NSUN2: variants seen among roughly 807,000 people sequenced by gnomAD.
NSUN2 encodes NOP2/Sun RNA methyltransferase 2, also known as RNA cytosine C(5)-methyltransferase NSUN2.
A neutral mutation model predicts 92.7 loss-of-function variants in NSUN2; 63 were observed. The ratio of observed to expected loss-of-function variants is 0.68; its 90% CI spans 0.56 to 0.84. The LOEUF is 0.84. NSUN2 is among the 40% of genes least tolerant of loss of function. The probability of loss-of-function intolerance (pLI) is 0.00; values close to 1 mark genes in which losing one functional copy is unlikely to be tolerated. For synonymous variants in NSUN2, 356 were observed against 348.3 expected (o/e 1.02, Z -0.25); for missense variants, 989 against 964.9 (o/e 1.02, Z -0.33).
At chr5:6,611,985 T>A (rs983275648) in intron 9 of NSUN2, among the ~76,000 whole-genome samples, 187 bp from the exon 10 acceptor site, 7 of 152,102 alleles carry the variant, frequency 4.6e-5, no homozygotes, top group Admixed American at 4.6e-4. Context: ...CCGATGGGGC[T>A]CAGCTGGAAT....
chr5:6,622,511 T>TA (rs1317328152), intron 5 of NSUN2, among the ~76,000 whole-genome samples: 2 of 152,080 alleles, frequency 1.3e-5, no homozygotes, highest in Non-Finnish European at 2.9e-5. Context: ...TATCTGCCCT[T>TA]AGAGGGTTGT....
intron 9 of NSUN2, among the ~76,000 whole-genome samples, chr5:6,616,371 G>A (rs1390973864): frequency 6.6e-6 from 1 of 152,210 alleles, no homozygotes; most frequent in Non-Finnish European, 1.5e-5. Flanking sequence ...TGAGCCTCAA[G>A]GACGCTGCAG....
At position 6,620,150 on chromosome 5, in the gene NSUN2, T is replaced by C; in HGVS notation, c.771A>G (p.Lys257=). The change falls in exon 7 of 19, where the codon AAA becomes AAG. Residue 257 remains lysine (K), a synonymous_variant. Coordinates refer to ENST00000264670, the MANE Select transcript of NSUN2 (RefSeq NM_017755.6). The stretch of plus-strand genomic sequence containing the variant: ...AAATTCGATCATAGAAGAGGATCTC[T>C]TTCCTGCCGTCCACATCTATCTGGA... ...PRLQIDVDGR[K]EILFYDRILC... 1.2e-6 allele frequency: 2 copies of C among 1,609,356 alleles called. No homozygotes were observed. Among genetic ancestry groups the C allele is most frequent in the Non-Finnish European group, 1.7e-6 (2 of 1,178,270 alleles).
rs1174342619 is a variant in NSUN2, at chr5:6,599,358, T to C, written c.*568A>G. ...TCCCCCTCAATAATTAGTATGACAA[T>C]TCACGATACAGCTCTTACTCTGGGA... On this transcript the variant is annotated 3_prime_UTR_variant, in exon 19 of 19. Transcript: ENST00000264670. 2.6e-5 allele frequency: 4 copies of C among 152,640 alleles called. No homozygotes were observed. Among genetic ancestry groups the C allele is most frequent in the African/African-American group, 9.7e-5 (4 of 41,446 alleles). 9.5% of individuals were successfully genotyped at this position (152,640 alleles called of 1,614,324 possible).
chr5:6,609,999 A>G, intron 11 of NSUN2, 77 bp from the exon 12 acceptor site: 1 of 954,634 alleles, frequency 1.0e-6, no homozygotes. Flanking sequence ...AATACCGCAA[A>G]GATGATACAA....
intron 11 of NSUN2, 123 bp from the exon 12 acceptor site, chr5:6,610,045 T>C: frequency 1.6e-6 from 1 of 620,332 alleles, no homozygotes; most frequent in Non-Finnish European, 2.6e-6. Context: ...ACTCATAGAA[T>C]GGCCAATATG....
In NSUN2 at chr5:6,599,895, G is replaced by C; in HGVS notation, c.*31C>G. The C allele has an allele frequency of 6.3e-7, 1 of 1,597,244 alleles. No individual in the cohort carries two copies. The highest frequency in any genetic ancestry group is 8.5e-7 in the Non-Finnish European group (1 of 1,171,094). On this transcript the variant is annotated 3_prime_UTR_variant, in exon 19 of 19. Coordinates refer to ENST00000264670, the MANE Select transcript of NSUN2 (RefSeq NM_017755.6). ...CAGAAGAAGCCAGTTTTGCGTGTGA[G>C]GGGTGTGGGCCCCCGCTGCCTTGGG...
At chr5:6,606,048 G>A (rs1427553587) in intron 14 of NSUN2, among the ~76,000 whole-genome samples, 2 of 152,130 alleles carry the variant, frequency 1.3e-5, no homozygotes, top group African/African-American at 2.4e-5. Flanking sequence ...GTAAGTGACC[G>A]CCCTGGTAAA....
At chr5:6,601,967 A>C (rs926969029) in intron 18 of NSUN2, among the ~76,000 whole-genome samples, 1 of 152,128 alleles carries the variant, frequency 6.6e-6, no homozygotes, top group Non-Finnish European at 1.5e-5. Flanking sequence ...AAGGCCCCCC[A>C]CAAGGATGCA....
chr5:6,626,036 GACTT>G (rs1465044736), intron 3 of NSUN2, among the ~76,000 whole-genome samples: 1 of 152,158 alleles, frequency 6.6e-6, no homozygotes, highest in Non-Finnish European at 1.5e-5. Flanking sequence ...GATACAAGAT[GACTT>G]ACTTAATGTG....
chr5:6,625,069 T>G (rs891360013), intron 4 of NSUN2, among the ~76,000 whole-genome samples: 1 of 151,304 alleles, frequency 6.6e-6, no homozygotes, highest in African/African-American at 2.4e-5. Context: ...GGTGCTTAGG[T>G]GTTTTGTGGT....
chr5:6,605,124 G>C (rs1736710686), intron 15 of NSUN2, 149 bp downstream of exon 15: 1 of 1,048,338 alleles, frequency 9.5e-7, no homozygotes, highest in African/African-American at 1.6e-5. Context: ...CAACAGCTCT[G>C]AAATCAAAGG....
intron 3 of NSUN2, among the ~76,000 whole-genome samples, chr5:6,626,326 A>AT (rs1455033487): frequency 6.6e-6 from 1 of 150,822 alleles, no homozygotes; most frequent in African/African-American, 2.4e-5. Context: ...TGTTATTTTT[A>AT]TTTTTTTTAT....
intron 17 of NSUN2, among the ~76,000 whole-genome samples, chr5:6,603,187 T>C (rs377046230): frequency 2.0e-5 from 3 of 152,192 alleles, no homozygotes; most frequent in East Asian, 3.9e-4. Flanking sequence ...TTAGAACAGC[T>C]TGGAGAAATG....
chr5:6,617,600 T>C (rs1037828750), intron 8 of NSUN2, among the ~76,000 whole-genome samples: 1 of 152,070 alleles, frequency 6.6e-6, no homozygotes, highest in Non-Finnish European at 1.5e-5. Context: ...GATCAAAATG[T>C]CTCTTAGCAA....
rs914664578 is a variant in NSUN2 at position 6,625,643 on chromosome 5, G to A, written c.386C>T (p.Thr129Ile). The change falls in exon 4 of 19, where the codon ACA becomes ATA. Residue 129 changes from threonine (T) to isoleucine (I), a missense_variant. By Grantham distance (89) the Thr-to-Ile change is moderately conservative (BLOSUM62 -1). This residue lies in a region of NSUN2 where 356 missense variants were observed against 338.6 expected (regional missense o/e 1.05). Coordinates refer to ENST00000264670, the MANE Select transcript of NSUN2 (RefSeq NM_017755.6). ...SWYPEELAWH[T>I]NLSRKILRKS... ...TCTCAAGATTTTTCGACTTAAATTT[G>A]TGTGCCAGGCAAGTTCTTCAGGATA... 6.2e-7 allele frequency: 1 copy of A among 1,614,136 alleles called. No homozygotes were observed. Among genetic ancestry groups the A allele is most frequent in the African/African-American group, 1.3e-5 (1 of 75,056 alleles).
intron 18 of NSUN2, 60 bp from the exon 19 acceptor site, chr5:6,600,292 G>A: frequency 6.8e-7 from 1 of 1,465,478 alleles, no homozygotes. Context: ...AATCGAATGA[G>A]ATGTAATATG....
intron 4 of NSUN2, 79 bp downstream of exon 4, chr5:6,625,485 G>A: frequency 9.6e-7 from 1 of 1,041,778 alleles, no homozygotes; most frequent in Non-Finnish European, 1.5e-6. Flanking sequence ...CTAGTGACAA[G>A]AACCTAAAAA....
At chr5:6,618,221 T>G (rs376808950) in intron 7 of NSUN2, among the ~76,000 whole-genome samples, 197 bp from the exon 8 acceptor site, 4 of 152,232 alleles carry the variant, frequency 2.6e-5, no homozygotes, top group African/African-American at 9.6e-5. Flanking sequence ...TTTTAAATTA[T>G]ACTTCAATTT....
Sources: gnomAD v4.1 joint callset for allele counts (sites outside exome capture counted in the v4.1 genomes callset) on GRCh38, gnomAD v4.1.1 for gene constraint, gnomAD v4.1.1 regional missense constraint, MANE v1.5 for transcripts, NCBI Gene and HGNC (gene_info 2026-07-23, HGNC 2026-07-21) for gene names.